ERCC6: variants seen among roughly 807,000 people sequenced by gnomAD.
ERCC6 encodes the protein ERCC excision repair 6, chromatin remodeling factor, also known as DNA excision repair protein ERCC-6.
In ERCC6, 116 loss-of-function variants were observed where a neutral mutation model predicts 158.7. The ratio of observed to expected loss-of-function variants is 0.73; its 90% confidence interval spans 0.63 to 0.85. The LOEUF (loss-of-function observed/expected upper bound fraction) is 0.85. ERCC6 is among the 40% of genes least tolerant of loss of function. The pLI is 0.00. For synonymous variants in ERCC6, 678 were observed against 659.3 expected, an observed-to-expected ratio of 1.03 and a Z score of -0.43; for missense variants, 1,698 against 1,799.4, an observed-to-expected ratio of 0.94 and a Z score of 1.02.
intron 1 of ERCC6, among the ~76,000 whole-genome samples, chr10:49,536,041 A>G (rs1452572646): frequency 1.3e-5 from 2 of 152,196 alleles, no homozygotes; most frequent in African/African-American, 4.8e-5. Context: ...GCTTGAACCC[A>G]GGAGGCAGAG....
chr10:49,512,721 A>G (rs1349182608), intron 5 of ERCC6, among the ~76,000 whole-genome samples: 1 of 152,236 alleles, frequency 6.6e-6, no homozygotes, highest in African/African-American at 2.4e-5. Flanking sequence ...ACTAAATACG[A>G]ATTCATTTAT....
rs753301921 is a variant in ERCC6, at chr10:49,524,641, G to A, written c.789C>T (p.Ile263=). ...PQKQEKKPRK[I]MLNEASGFEK... is the part of the protein sequence containing the mutation. ...CGAAGCCTGATGCTTCATTAAGCAT[G>A]ATTTTTCTGGGCTTTTTCTCCTGTT... The change falls in exon 5 of 21, where the codon ATC becomes ATT. Residue 263 remains isoleucine (I), a synonymous_variant. Transcript: ENST00000355832. 5 of 1,614,022 alleles carry A rather than the reference G, an allele frequency of 3.1e-6. No individual in the cohort carries two copies. In the African/African-American group the frequency reaches 6.7e-5, roughly 22 times the overall value.
At chr10:49,512,465 A>C (rs1394638446) in intron 5 of ERCC6, among the ~76,000 whole-genome samples, 1 of 152,240 alleles carries the variant, frequency 6.6e-6, no homozygotes, top group Non-Finnish European at 1.5e-5. Flanking sequence ...ATTTCTTCCC[A>C]ATATTGATAC....
intron 4 of ERCC6, among the ~76,000 whole-genome samples, chr10:49,527,491 A>G: frequency 6.6e-6 from 1 of 152,184 alleles, no homozygotes; most frequent in Non-Finnish European, 1.5e-5. Context: ...CTTGGCTAAC[A>G]TGGTGAAACC....
intron 1 of ERCC6, among the ~76,000 whole-genome samples, chr10:49,533,629 T>C (rs1441339668): frequency 6.6e-6 from 1 of 151,646 alleles, no homozygotes; most frequent in African/African-American, 2.4e-5. Context: ...TAATGAGACC[T>C]TGTCTCTACT....
chr10:49,497,029 G>A (rs1256093106), intron 7 of ERCC6, among the ~76,000 whole-genome samples: 1 of 152,116 alleles, frequency 6.6e-6, no homozygotes, highest in Non-Finnish European at 1.5e-5. Context: ...AACCCTCCCT[G>A]CCTCCAGCTA....
intron 5 of ERCC6, among the ~76,000 whole-genome samples, chr10:49,521,420 T>C (rs1444150701): frequency 6.6e-6 from 1 of 152,224 alleles, no homozygotes; most frequent in Non-Finnish European, 1.5e-5. Flanking sequence ...AATCTTTATT[T>C]GGCACCCGGA....
chr10:49,448,089 GTT>G, the ERCC6 span, among the ~76,000 whole-genome samples: 1 of 152,174 alleles, frequency 6.6e-6, no homozygotes, highest in African/African-American at 2.4e-5. Context: ...GTAATTGTAT[GTT>G]TAACTTTTTG....
At chr10:49,495,336 C>T (rs1851249267) in intron 7 of ERCC6, among the ~76,000 whole-genome samples, 1 of 152,214 alleles carries the variant, frequency 6.6e-6, no homozygotes, top group South Asian at 2.1e-4. Flanking sequence ...GCCTGCCTCT[C>T]ACACACCTGG....
chr10:49,482,956 AT>A, intron 9 of ERCC6, 93 bp from the exon 10 acceptor site: 1 of 1,319,902 alleles, frequency 7.6e-7, no homozygotes, highest in Non-Finnish European at 1.1e-6. Flanking sequence ...TTATTTACAC[AT>A]TTACTCATCA....
intron 5 of ERCC6, chr10:49,516,564 A>G: frequency 6.2e-6 from 10 of 1,613,972 alleles, no homozygotes; most frequent in Non-Finnish European, 8.5e-6. Context: ...AATAATTCCC[A>G]GAAAACATTT....
chr10:49,530,378 T>C (rs1447313525), intron 3 of ERCC6, among the ~76,000 whole-genome samples: 1 of 152,216 alleles, frequency 6.6e-6, no homozygotes, highest in Non-Finnish European at 1.5e-5. Context: ...ATATTTTGAC[T>C]TTAAGATAGG....
chr10:49,525,124 T>C (rs557238775), intron 4 of ERCC6: 4 of 295,852 alleles, frequency 1.4e-5, no homozygotes, highest in East Asian at 9.6e-5. Context: ...TAGTCGTCCA[T>C]GAGGAAGCAA....
chr10:49,529,224 A>G (rs1333459065), intron 3 of ERCC6, among the ~76,000 whole-genome samples: 1 of 152,242 alleles, frequency 6.6e-6, no homozygotes, highest in East Asian at 1.9e-4. Flanking sequence ...TTCAACTTCA[A>G]ATACGAGTGT....
At chr10:49,492,549 G>C (rs1207302017) in intron 8 of ERCC6, among the ~76,000 whole-genome samples, 3 of 152,200 alleles carry the variant, frequency 2.0e-5, no homozygotes, top group Non-Finnish European at 4.4e-5. Flanking sequence ...ACCCACAGGA[G>C]CACAGATAAA....
intron 7 of ERCC6, among the ~76,000 whole-genome samples, chr10:49,494,042 A>T (rs1001098812): frequency 6.6e-6 from 1 of 152,226 alleles, no homozygotes; most frequent in Non-Finnish European, 1.5e-5. Context: ...TACACACTGG[A>T]GCATTCTTTA....
chr10:49,514,443 A>G (rs1554791472), intron 5 of ERCC6, among the ~76,000 whole-genome samples: 1 of 152,246 alleles, frequency 6.6e-6, no homozygotes, highest in Non-Finnish European at 1.5e-5. Context: ...TAGTTGCCTG[A>G]GATCATATTA....
At chr10:49,513,074 G>A (rs1836850334) in intron 5 of ERCC6, among the ~76,000 whole-genome samples, 1 of 152,152 alleles carries the variant, frequency 6.6e-6, no homozygotes, top group South Asian at 2.1e-4. Context: ...TTTAGCTAGT[G>A]GGCATGTAAC....
intron 11 of ERCC6, 50 bp downstream of exon 11, chr10:49,478,304 A>AGAGT: frequency 8.4e-7 from 1 of 1,189,122 alleles, no homozygotes; most frequent in Non-Finnish European, 1.3e-6. Flanking sequence ...GTGAAGGGAA[A>AGAGT]GACACACTTG....
Sources: gnomAD v4.1 joint callset for allele counts (sites outside exome capture counted in the v4.1 genomes callset) on GRCh38, gnomAD v4.1.1 for gene constraint, MANE v1.5 for transcripts, NCBI Gene and HGNC (gene_info 2026-07-23, HGNC 2026-07-21) for gene names.